The following MARCHF1 variants were observed in gnomAD, a reference collection of about 807,000 sequenced individuals.
MARCHF1 encodes the protein E3 ubiquitin-protein ligase MARCHF1.
In MARCHF1, 40 loss-of-function variants were observed where a neutral mutation model predicts 54.2. The ratio of observed to expected loss-of-function variants is 0.74; its 90% CI spans 0.57 to 0.96. The LOEUF (loss-of-function observed/expected upper bound fraction) is 0.96, where lower values mean the gene tolerates loss of function less well. MARCHF1 is among the 40% of genes least tolerant of loss of function. MARCHF1 has a pLI of 0.00. For missense variants in MARCHF1, 586 were observed against 656.5 expected (o/e 0.89, Z 1.17); for synonymous variants, 236 against 236.3 (o/e 1.00, Z 0.01).
At chr4:164,212,578 T>C (rs1048278961) in intron 1 of MARCHF1, among the ~76,000 whole-genome samples, 1 of 152,210 alleles carries the variant, frequency 6.6e-6, no homozygotes, top group African/African-American at 2.4e-5. Flanking sequence ...CCATGTATTA[T>C]TTTTTACTCA....
intron 3 of MARCHF1, among the ~76,000 whole-genome samples, chr4:163,974,272 T>C (rs1387357902): frequency 6.6e-6 from 1 of 152,188 alleles, no homozygotes. Context: ...TAAAAGGTGA[T>C]ACAGGTTAGC....
intron 3 of MARCHF1, among the ~76,000 whole-genome samples, chr4:163,911,708 G>T: frequency 6.6e-6 from 1 of 152,224 alleles, no homozygotes; most frequent in East Asian, 1.9e-4. Context: ...AAGGTAAAAC[G>T]ATGTCATATG....
chr4:163,924,602 A>G (rs1751499307), intron 3 of MARCHF1, among the ~76,000 whole-genome samples: 1 of 152,002 alleles, frequency 6.6e-6, no homozygotes, highest in African/African-American at 2.4e-5. Flanking sequence ...TTATCTTATG[A>G]CCTTACAAAC....
At chr4:163,768,931 TCTGG>T in intron 4 of MARCHF1, among the ~76,000 whole-genome samples, 1 of 152,146 alleles carries the variant, frequency 6.6e-6, no homozygotes, top group African/African-American at 2.4e-5. Flanking sequence ...ATGTCAAATA[TCTGG>T]ACTTCCTGGT....
At chr4:164,164,749 C>T (rs989145247) in intron 1 of MARCHF1, among the ~76,000 whole-genome samples, 1 of 151,894 alleles carries the variant, frequency 6.6e-6, no homozygotes, top group African/African-American at 2.4e-5. Context: ...AGGCTTTGAA[C>T]GCATATGAAC....
At chr4:164,068,488 G>A (rs550418984) in intron 2 of MARCHF1, among the ~76,000 whole-genome samples, 26 of 152,234 alleles carry the variant, frequency 1.7e-4, no homozygotes, top group East Asian at 1.2e-3. Flanking sequence ...CCCACAATTC[G>A]GAGCGGCCGG....
intron 1 of MARCHF1, among the ~76,000 whole-genome samples, chr4:164,248,643 T>G (rs971375135): frequency 2.0e-5 from 3 of 152,190 alleles, no homozygotes; most frequent in East Asian, 1.9e-4. Context: ...ATGAATAATG[T>G]TTTAAAGAAG....
At chr4:164,084,761 T>A (rs915609223) in intron 2 of MARCHF1, among the ~76,000 whole-genome samples, 3 of 151,814 alleles carry the variant, frequency 2.0e-5, no homozygotes, top group African/African-American at 7.2e-5. Context: ...AGACATATGT[T>A]TCTATTTCAT....
chr4:163,803,399 T>C (rs1369266765), intron 4 of MARCHF1, among the ~76,000 whole-genome samples: 6 of 149,362 alleles, frequency 4.0e-5, no homozygotes, highest in African/African-American at 1.5e-4. Context: ...TCTTGAACTC[T>C]TGAGTTCATA....
intron 4 of MARCHF1, among the ~76,000 whole-genome samples, chr4:163,724,111 A>G (rs1443833904): frequency 6.6e-6 from 1 of 152,114 alleles, no homozygotes; most frequent in Non-Finnish European, 1.5e-5. Flanking sequence ...TAATTTTTAG[A>G]ATTTTCAGCT....
At chr4:164,268,318 CA>C (rs1456183055) in intron 1 of MARCHF1, among the ~76,000 whole-genome samples, 2 of 152,072 alleles carry the variant, frequency 1.3e-5, no homozygotes, top group Non-Finnish European at 2.9e-5. Context: ...AGTCTTCAGG[CA>C]CATTGTTCCA....
intron 4 of MARCHF1, among the ~76,000 whole-genome samples, chr4:163,830,479 G>A (rs868628132): frequency 7.2e-5 from 11 of 152,250 alleles, no homozygotes; most frequent in African/African-American, 2.6e-4. Flanking sequence ...CGCAAGAGCT[G>A]GGGTGGACAG....
chr4:164,082,778 T>C (rs1415530380), intron 2 of MARCHF1, among the ~76,000 whole-genome samples: 1 of 152,178 alleles, frequency 6.6e-6, no homozygotes, highest in Non-Finnish European at 1.5e-5. Flanking sequence ...TAACCATATT[T>C]AGTGCCTTCA....
intron 3 of MARCHF1, among the ~76,000 whole-genome samples, chr4:163,936,098 G>A (rs544337554): frequency 6.6e-6 from 1 of 152,288 alleles, no homozygotes; most frequent in South Asian, 2.1e-4. Flanking sequence ...CAGGGAGAGA[G>A]ACAGGGGAAG....
intron 3 of MARCHF1, among the ~76,000 whole-genome samples, chr4:163,921,216 A>G (rs1228319721): frequency 2.0e-5 from 3 of 152,172 alleles, no homozygotes; most frequent in Middle Eastern, 3.2e-3. Context: ...AGTGCTATCA[A>G]TTTGTTATAG....
intron 1 of MARCHF1, among the ~76,000 whole-genome samples, chr4:164,119,401 T>A (rs534952660): frequency 1.1e-4 from 16 of 147,332 alleles, no homozygotes; most frequent in Middle Eastern, 7.3e-3. Context: ...AATAAAGAAA[T>A]ACAAATAATA....
chr4:163,601,058 G>C (rs976570668), intron 7 of MARCHF1, among the ~76,000 whole-genome samples: 7 of 152,056 alleles, frequency 4.6e-5, no homozygotes, highest in African/African-American at 1.7e-4. Flanking sequence ...GTTGCTGCAG[G>C]GGCATTTTAA....
At position 164,091,862 on chromosome 4, in the gene MARCHF1, T is replaced by TTGTG. The variant is rs56160451; in HGVS notation, c.-248+19722_-248+19725dup. 5.0e-3 allele frequency among the ~76,000 whole-genome samples: 746 copies of TTGTG among 148,646 alleles called. 5 individuals carry two copies. The highest frequency in any genetic ancestry group is 0.028 in the Middle Eastern group (8 of 290). On this transcript the variant is annotated intron_variant, in intron 2 of 9. Transcript: ENST00000514618. ...TGAAATGGGAAGTATATGTATACTT[T>TTGTG]TGTGTGTGTGTGTGTGTGTGTGTGT... is the stretch of plus-strand genomic sequence containing the variant.
chr4:164,184,168 C>T (rs1730905688), intron 1 of MARCHF1, among the ~76,000 whole-genome samples: 1 of 152,146 alleles, frequency 6.6e-6, no homozygotes, highest in African/African-American at 2.4e-5. Flanking sequence ...AAGTGTAAAG[C>T]TGGTTTGCTC....
Sources: allele counts gnomAD v4.1 joint callset (sites outside exome capture counted in the v4.1 genomes callset), GRCh38; gene constraint gnomAD v4.1.1; transcripts MANE v1.5; gene names NCBI Gene and HGNC (gene_info 2026-07-23, HGNC 2026-07-21).